PLCXD1: variants seen among roughly 807,000 people sequenced by gnomAD.
PLCXD1 encodes PI-PLC X domain-containing protein 1.
PLCXD1 carries 45 observed loss-of-function variants against 37.8 expected under a neutral mutation model. That is an observed-to-expected ratio of 1.19 (90% confidence interval 0.94 to 1.53). The LOEUF is 1.53. PLCXD1 is among the 40% of genes most tolerant of loss of function. PLCXD1 has a pLI of 0.00. For missense variants in PLCXD1, 539 were observed against 454.7 expected, an observed-to-expected ratio of 1.19 and a Z score of -1.69; for synonymous variants, 246 against 206.9, an observed-to-expected ratio of 1.19 and a Z score of -1.62.
chrX:291,465 C>T (rs1481809229), intron 4 of PLCXD1, 34 bp from the exon 5 acceptor site: 28 of 1,608,456 alleles, frequency 1.7e-5, no homozygotes, highest in African/African-American at 2.7e-5. Context: ...GTGTTGGAGT[C>T]GTGCAGGACT....
At chrX:278,041 G>T (rs1312774627), upstream of PLCXD1, among the ~76,000 whole-genome samples, 1 of 121,568 alleles carries the variant, frequency 8.2e-6, no homozygotes, top group Admixed American at 7.7e-5. Flanking sequence ...GACAGGTGTG[G>T]GGATAGGAGC....
At chrX:282,318 G>T (rs952238678) in intron 1 of PLCXD1, among the ~76,000 whole-genome samples, 10 of 150,718 alleles carry the variant, frequency 6.6e-5, no homozygotes, top group African/African-American at 2.2e-4. Flanking sequence ...GGAGGCGGAG[G>T]TTGCAGTGAG....
intron 3 of PLCXD1, among the ~76,000 whole-genome samples, chrX:290,175 C>T (rs1372272116): frequency 6.6e-6 from 1 of 151,996 alleles, no homozygotes; most frequent in Non-Finnish European, 1.5e-5. Context: ...CGCCTGTAAT[C>T]CCAGCACTTT....
At position 302,484 on chromosome X, in the gene PLCXD1, C is replaced by G. The variant is rs1434159014; in HGVS notation, c.*3149C>G. The G allele has an allele frequency of 1.3e-5, 2 of 152,220 alleles. No homozygotes were observed. The highest frequency in any genetic ancestry group is 6.6e-5 in the Admixed American group (1 of 15,260). 9.4% of individuals were successfully genotyped at this position (152,220 alleles called of 1,614,324 possible). On this transcript the variant is annotated 3_prime_UTR_variant, in exon 7 of 7. Transcript: ENST00000381657. Reference sequence around the variant, plus strand: ...TCTCAGCTCACTGCAACCTCTGCCTCCCGGGTTCAAGTGATTCTCCTGCCT... The same window carrying G: ...TCTCAGCTCACTGCAACCTCTGCCTGCCGGGTTCAAGTGATTCTCCTGCCT...
At chrX:277,187 G>A (rs1240012643), upstream of PLCXD1, among the ~76,000 whole-genome samples, 4 of 150,330 alleles carry the variant, frequency 2.7e-5, no homozygotes, top group East Asian at 2.0e-4. Flanking sequence ...TGGGGAAGGC[G>A]TCGGGGGACC....
At position 301,533 on chromosome X, in the gene PLCXD1, G is replaced by A. The variant is rs188720221; in HGVS notation, c.*2198G>A. On this transcript the variant is annotated 3_prime_UTR_variant, in exon 7 of 7. Transcript: ENST00000381657. ...GTCATAGCTCACTGTAACCTTCAAC[G>A]CCTGGGCTGAAGCAATTCTCCCGCC... 1,201 of 152,110 alleles carry A rather than the reference G, an allele frequency of 7.9e-3. 11 individuals carry two copies. Among genetic ancestry groups the A allele is most frequent in the Non-Finnish European group, 0.011 (715 of 68,070 alleles). The allele number at this position is 152,110 out of a possible 1,614,324, so 9.4% of individuals were successfully genotyped here. A position where few individuals can be genotyped will look rare whatever the true frequency, so the allele number is the denominator to read the frequency against.
rs28450213 is a variant in PLCXD1, at chrX:302,110, A to G, written c.*2775A>G. 0.094 allele frequency: 14,358 copies of G among 152,034 alleles called. 1,688 individuals are homozygous for G. The highest frequency in any genetic ancestry group is 0.28 in the African/African-American group (11,497 of 41,404). 9.4% of individuals were successfully genotyped at this position (152,034 alleles called of 1,614,324 possible). A position where few individuals can be genotyped will look rare whatever the true frequency, so the allele number is the denominator to read the frequency against. On this transcript the variant is annotated 3_prime_UTR_variant, in exon 7 of 7. Transcript: ENST00000381657. ...TGTGGCCTGGGCTGTTCCCTCATTC[A>G]TTCCTGCCTCCCGAGCCAAACCCAG...
At chrX:279,932 C>T (rs954504131), upstream of PLCXD1, among the ~76,000 whole-genome samples, 4 of 152,096 alleles carry the variant, frequency 2.6e-5, no homozygotes, top group Non-Finnish European at 4.4e-5. Context: ...TCACTGCAAC[C>T]TCCGCCTCCC....
chrX:296,031 C>T (rs375274543), intron 6 of PLCXD1, among the ~76,000 whole-genome samples: 7 of 151,878 alleles, frequency 4.6e-5, no homozygotes, highest in East Asian at 3.9e-4. Flanking sequence ...AGGCTGGTCT[C>T]GAACTCCCGA....
At chrX:287,631 ATATAGATATAGATACTATATATGTTTATG>A in intron 2 of PLCXD1, among the ~76,000 whole-genome samples, 1 of 87,678 alleles carries the variant, frequency 1.1e-5, no homozygotes, top group Middle Eastern at 9.4e-3. Context: ...ATATGTTTAT[ATATAGATATAGATACTATATATGTTTATG>A]GATATAGATA....
intron 2 of PLCXD1, among the ~76,000 whole-genome samples, chrX:285,302 ACATG>A (rs1288124762): frequency 1.3e-5 from 2 of 152,122 alleles, no homozygotes; most frequent in Non-Finnish European, 2.9e-5. Flanking sequence ...ATGCACATAC[ACATG>A]CATGCACATG....
intron 5 of PLCXD1, among the ~76,000 whole-genome samples, chrX:292,178 G>A (rs1353812438): frequency 2.6e-5 from 4 of 151,674 alleles, no homozygotes; most frequent in Non-Finnish European, 4.4e-5. Flanking sequence ...TGGGTGTGCC[G>A]GACGCAGTGG....
At chrX:282,720 GACCA>G (rs1403122181) in intron 1 of PLCXD1, among the ~76,000 whole-genome samples, 5 of 136,294 alleles carry the variant, frequency 3.7e-5, no homozygotes, top group Admixed American at 7.3e-5. Flanking sequence ...AAAAAAAAAA[GACCA>G]ACCAAAAAAG....
At chrX:289,108 A>G (rs752313034) in intron 3 of PLCXD1, among the ~76,000 whole-genome samples, 211 of 152,018 alleles carry the variant, frequency 1.4e-3, no homozygotes, top group African/African-American at 4.9e-3. Flanking sequence ...ATTTTTTGAG[A>G]CAGGGTCTCA....
chrX:289,294 A>G (rs2069551922), intron 3 of PLCXD1, among the ~76,000 whole-genome samples: 1 of 151,934 alleles, frequency 6.6e-6, no homozygotes, highest in Non-Finnish European at 1.5e-5. Flanking sequence ...TTACCGTGTT[A>G]GTCAGGATGG....
At chrX:282,097 TC>T (rs1404681579) in intron 1 of PLCXD1, among the ~76,000 whole-genome samples, 17 of 152,138 alleles carry the variant, frequency 1.1e-4, no homozygotes, top group Non-Finnish European at 2.1e-4. Context: ...CAGGAAACAT[TC>T]CTCAGATGTG....
chrX:285,358 A>ACACACATG (rs1183490035), intron 2 of PLCXD1, among the ~76,000 whole-genome samples: 60 of 148,778 alleles, frequency 4.0e-4, no homozygotes, highest in Admixed American at 3.6e-3. Context: ...GTACACATGT[A>ACACACATG]CACACATGCA....
chrX:300,237 C>G lies in PLCXD1; in HGVS notation c.*902C>G, dbSNP rs1398477207. ...TTCTCCTTGCTGTGGCGTCTGGAGC[C>G]CTTACAGACCCAGGGAGACACTATC... is the stretch of plus-strand genomic sequence containing the variant. On this transcript the variant is annotated 3_prime_UTR_variant, in exon 7 of 7. Transcript: ENST00000381657. 2 of 151,824 alleles carry G rather than the reference C, an allele frequency of 1.3e-5. No individual in the cohort carries two copies. Among genetic ancestry groups the G allele is most frequent in the Non-Finnish European group, 2.9e-5 (2 of 67,990 alleles). 9.4% of individuals were successfully genotyped at this position (151,824 alleles called of 1,614,324 possible).
At chrX:296,090 G>A (rs1192662967) in intron 6 of PLCXD1, among the ~76,000 whole-genome samples, 4 of 151,854 alleles carry the variant, frequency 2.6e-5, no homozygotes, top group Admixed American at 6.6e-5. Flanking sequence ...GGGATTACAG[G>A]CTTGAGCCAC....
Sources: gnomAD v4.1 joint callset for allele counts (sites outside exome capture counted in the v4.1 genomes callset) on GRCh38, gnomAD v4.1.1 for gene constraint, MANE v1.5 for transcripts, NCBI Gene and HGNC (gene_info 2026-07-23, HGNC 2026-07-21) for gene names.